Variants in LRP2BP observed in about 807,000 individuals in gnomAD.
LRP2BP encodes LRP2 binding protein, also known as LRP2-binding protein.
In LRP2BP, 38 loss-of-function variants were observed where a neutral mutation model predicts 45.2. That is an observed-to-expected ratio of 0.84 (90% confidence interval 0.65 to 1.10). The LOEUF (loss-of-function observed/expected upper bound fraction) is 1.10, where lower values mean the gene tolerates loss of function less well. Ranked by LOEUF, LRP2BP falls within the 50% of genes least tolerant of loss-of-function variation. The pLI is 0.00. For synonymous variants in LRP2BP, 153 were observed against 153.9 expected (o/e 0.99, Z 0.04); for missense variants, 385 against 418.9 (o/e 0.92, Z 0.71).
At chr4:185,388,127 T>G (rs1294108541) in intron 1 of LRP2BP, among the ~76,000 whole-genome samples, 5 of 152,118 alleles carry the variant, frequency 3.3e-5, no homozygotes, top group African/African-American at 1.2e-4. Flanking sequence ...ACCCAGATGA[T>G]GGAGGAGTTC....
At chr4:185,370,881 G>T (rs926344169) in intron 7 of LRP2BP, 67 bp from the exon 8 acceptor site, 6 of 1,509,178 alleles carry the variant, frequency 4.0e-6, no homozygotes, top group African/African-American at 2.7e-5. Flanking sequence ...AAAACGATGC[G>T]CCTAGAGACT....
Position 185,395,630 on chromosome 4 carries a change from T to C in LRP2BP, c.-873A>G, listed in dbSNP as rs2095499984. The C allele has an allele frequency of 5.1e-6, 5 of 982,924 alleles. No homozygotes were observed. In the South Asian group the frequency reaches 1.4e-4, roughly 28 times the overall value. The allele number at this position is 982,924 out of a possible 1,614,324, so 60.9% of individuals were successfully genotyped here. On this transcript the variant is annotated 5_prime_UTR_variant, in exon 1 of 9. Coordinates refer to ENST00000505916, the MANE Select transcript of LRP2BP (RefSeq NM_001377440.1). ...ACACATTTATATTCAAATATTCATATGAATAAAAATGCTTAAAACTACCCC... is the reference window on the plus strand; with the variant it reads ...ACACATTTATATTCAAATATTCATACGAATAAAAATGCTTAAAACTACCCC...
intron 4 of LRP2BP, 126 bp downstream of exon 4, chr4:185,375,487 A>AAATATAAATATATAT (rs1554018308): frequency 8.3e-5 from 1 of 12,010 alleles, no homozygotes; most frequent in Non-Finnish European, 1.5e-4. Flanking sequence ...AAAAAAAAAA[A>AAATATAAATATATAT]ATATATATAT....
chr4:185,385,002 T>A (rs1034574898), intron 1 of LRP2BP, among the ~76,000 whole-genome samples: 2 of 149,722 alleles, frequency 1.3e-5, no homozygotes, highest in Non-Finnish European at 3.0e-5. Context: ...ATTTACACCA[T>A]CAGGCCCTGA....
chr4:185,390,750 G>T (rs2126847796), intron 1 of LRP2BP: 1 of 152,276 alleles, frequency 6.6e-6, no homozygotes, highest in East Asian at 1.9e-4. Context: ...ACAGCTGTGA[G>T]AACGCTGCCA....
In LRP2BP at chr4:185,372,998, G is replaced by A; in HGVS notation, c.661C>T (p.Gln221Ter). The A allele has an allele frequency of 6.2e-7, 1 of 1,613,910 alleles. No homozygotes were observed. The highest frequency in any genetic ancestry group is 8.5e-7 in the Non-Finnish European group (1 of 1,179,818). ...GALGLMYLYGQGIRQDTEAAL... is the reference protein window; with the variant it reads ...GALGLMYLYG The stretch of plus-strand genomic sequence containing the variant: ...GCTTCCGTATCCTGCCGGATGCCTT[G>A]TCCATACAAGTACATGAGCCCAAGT... The change falls in exon 7 of 9, where the codon CAA becomes TAA. Residue 221 changes from glutamine to a stop codon, truncating the protein, a stop_gained. Transcript: ENST00000505916. LOFTEE classifies it high-confidence loss of function.
In LRP2BP at chr4:185,376,789, C is replaced by G; in HGVS notation, c.216+120G>C. On this transcript the variant is annotated intron_variant, in intron 3 of 8. Coordinates refer to ENST00000505916, the MANE Select transcript of LRP2BP (RefSeq NM_001377440.1). ...CTACTGTTAAAGCCACAGCCATAGTCGATGTAATTGGACAGAATTTCCCTA... is the reference window on the plus strand; with the variant it reads ...CTACTGTTAAAGCCACAGCCATAGTGGATGTAATTGGACAGAATTTCCCTA... 6.0e-6 allele frequency: 4 copies of G among 668,028 alleles called. No individual in the cohort carries two copies. The South Asian group carries it at 7.4e-5, about 12-fold the overall frequency. The allele number at this position is 668,028 out of a possible 1,614,324, so 41.4% of individuals were successfully genotyped here. A position where few individuals can be genotyped will look rare whatever the true frequency, so the allele number is the denominator to read the frequency against.
At chr4:185,396,801 T>C (rs556691658), upstream of LRP2BP, 53 of 1,084,800 alleles carry the variant, frequency 4.9e-5, no homozygotes, top group African/African-American at 4.9e-4. Context: ...GGCCCGGAAG[T>C]CCCAGCGGTC....
chr4:185,395,084 A>C lies in LRP2BP; in HGVS notation c.-327T>G. 2.2e-6 allele frequency: 2 copies of C among 911,176 alleles called. No individual in the cohort carries two copies. Among genetic ancestry groups the C allele is most frequent in the African/African-American group, 2.1e-5 (1 of 47,694 alleles). The allele number at this position is 911,176 out of a possible 1,614,324, so 56.4% of individuals were successfully genotyped here. On this transcript the variant is annotated 5_prime_UTR_variant, in exon 1 of 9. Transcript: ENST00000505916. Reference sequence around the variant, plus strand: ...AAGTCAAGTCAGATATCCAGCTGAGATACAACTTTTTTTTCTGAAAACAAT... The same window carrying C: ...AAGTCAAGTCAGATATCCAGCTGAGCTACAACTTTTTTTTCTGAAAACAAT...
Position 185,366,887 on chromosome 4 carries a change from A to C in LRP2BP, c.*293T>G, listed in dbSNP as rs897151445. The C allele has an allele frequency of 4.6e-6, 1 of 215,100 alleles. No homozygotes were observed. Among genetic ancestry groups the C allele is most frequent in the Non-Finnish European group, 9.1e-6 (1 of 109,618 alleles). 13.3% of individuals were successfully genotyped at this position (215,100 alleles called of 1,614,324 possible). On this transcript the variant is annotated 3_prime_UTR_variant, in exon 9 of 9. Coordinates refer to ENST00000505916, the MANE Select transcript of LRP2BP (RefSeq NM_001377440.1). Reference sequence around the variant, plus strand: ...TTTTTGGAGACTCGGTGTTTAAGAAAGGATAAACGATACTTGCTGTATAGA... The same window carrying C: ...TTTTTGGAGACTCGGTGTTTAAGAACGGATAAACGATACTTGCTGTATAGA...
chr4:185,393,296 T>A lies in LRP2BP; in HGVS notation c.-22+1483A>T, dbSNP rs544009721. ...AAGTTTTCTATGGCATTACTAAACA[T>A]ATACAATCCAATTAATGTTTTAAAG... On this transcript the variant is annotated intron_variant, in intron 1 of 8. Transcript: ENST00000505916. Among the ~76,000 whole-genome samples, 4 of 152,324 alleles carry A rather than the reference T, an allele frequency of 2.6e-5. No individual in the cohort carries two copies. In the South Asian group the frequency reaches 8.3e-4, roughly 32 times the overall value.
At chr4:185,371,382 G>T (rs1293848028) in intron 7 of LRP2BP, among the ~76,000 whole-genome samples, 1 of 148,762 alleles carries the variant, frequency 6.7e-6, no homozygotes, top group Non-Finnish European at 1.5e-5. Context: ...TACTAAAAAA[G>T]ATACAAAAAA....
rs1355072543 is a variant in LRP2BP at position 185,378,152 on chromosome 4, G to A, written c.35C>T (p.Pro12Leu). ...KLTSEKLPKNPFYASVSQYAA... is the reference protein window; with the variant it reads ...KLTSEKLPKNLFYASVSQYAA... ...ATACTGAGATACAGAGGCATAAAAG[G>A]GGTTCTTGGGCAACTTTTCACTGGT... Residue 12 changes from proline (P) to leucine (L), a missense_variant, in exon 2 of 9, where the codon CCC becomes CTC. Transcript: ENST00000505916. 6 of 1,613,926 alleles carry A rather than the reference G, an allele frequency of 3.7e-6. No homozygotes were observed. Among genetic ancestry groups the A allele is most frequent in the South Asian group, 1.1e-5 (1 of 91,036 alleles).
chr4:185,387,752 C>T (rs555114553), intron 1 of LRP2BP, among the ~76,000 whole-genome samples: 59 of 152,320 alleles, frequency 3.9e-4, no homozygotes, highest in African/African-American at 1.4e-3. Context: ...CACAAGGTCC[C>T]CACCCCGCTG....
At chr4:185,376,443 C>CTTTTTT (rs34024562) in intron 3 of LRP2BP, among the ~76,000 whole-genome samples, 24 of 105,822 alleles carry the variant, frequency 2.3e-4, no homozygotes, top group Non-Finnish European at 2.9e-4. Context: ...TGCCCAGCTA[C>CTTTTTT]TTTTTTTTTT....
chr4:185,376,929 C>G lies in LRP2BP; in HGVS notation c.196G>C (p.Gly66Arg), dbSNP rs767669643. ...KGDTLAYFLR[G>R]QLYFEEGWYE... ...GATACCTCTTCAAAATATAGTTGAC[C>G]TCGTAGGAAATATGCCAGAGTGTCT... Residue 66 changes from glycine to arginine, a missense_variant, in exon 3 of 9, where the codon GGT becomes CGT. By Grantham distance (125) the Gly-to-Arg change is moderately radical. Transcript: ENST00000505916. 9 of 1,612,672 alleles carry G rather than the reference C, an allele frequency of 5.6e-6. No individual in the cohort carries two copies. In the South Asian group the frequency reaches 9.9e-5, roughly 18 times the overall value.
intron 1 of LRP2BP, among the ~76,000 whole-genome samples, chr4:185,387,833 G>A (rs935432059): frequency 2.0e-5 from 3 of 152,178 alleles, no homozygotes; most frequent in Non-Finnish European, 4.4e-5. Context: ...CCAGCCCCGG[G>A]CCTTCTCCCA....
At chr4:185,394,362 G>A (rs1460719841) in intron 1 of LRP2BP, among the ~76,000 whole-genome samples, 2 of 151,128 alleles carry the variant, frequency 1.3e-5, no homozygotes, top group Non-Finnish European at 2.9e-5. Context: ...AAAACACATA[G>A]GTATAAGAAT....
chr4:185,388,828 C>T (rs1322826862), intron 1 of LRP2BP, among the ~76,000 whole-genome samples: 1 of 151,762 alleles, frequency 6.6e-6, no homozygotes, highest in East Asian at 1.9e-4. Flanking sequence ...AATCTTTGTT[C>T]CTAAGAGGAG....
Sources: gnomAD v4.1 joint callset for allele counts (sites outside exome capture counted in the v4.1 genomes callset) on GRCh38, gnomAD v4.1.1 for gene constraint, MANE v1.5 for transcripts, NCBI Gene and HGNC (gene_info 2026-07-23, HGNC 2026-07-21) for gene names.